CA6: variants seen among roughly 807,000 people sequenced by gnomAD.
The protein encoded by CA6 is carbonate dehydratase VI.
A neutral mutation model predicts 35.9 loss-of-function variants in CA6; 28 were observed. That is an observed-to-expected ratio of 0.78 (90% CI 0.58 to 1.07). The LOEUF is 1.07. CA6 is among the 50% of genes least tolerant of loss of function. The probability of loss-of-function intolerance (pLI) is 0.00; values close to 1 mark genes in which losing one functional copy is unlikely to be tolerated. For missense variants in CA6, 377 were observed against 382.0 expected (o/e 0.99, Z 0.11); for synonymous variants, 148 against 152.6 (o/e 0.97, Z 0.22).
In CA6 at chr1:8,946,040, TTC is replaced by T. The variant is rs1269470791; in HGVS notation, c.79+77_79+78del. On this transcript the variant is annotated intron_variant, in intron 1 of 7. Coordinates refer to ENST00000377443, the MANE Select transcript of CA6 (RefSeq NM_001215.4). ...AACAGGACAAGTGCCCTTCTTCTTC[TTC>T]TTTTTTTTTTTTTTAGACAAAGTCT... is the stretch of plus-strand genomic sequence containing the variant. The T allele has an allele frequency of 2.1e-4, 185 of 885,554 alleles. 1 individual carries two copies. The highest frequency in any genetic ancestry group is 1.2e-3 in the South Asian group (80 of 64,590). The allele number at this position is 885,554 out of a possible 1,614,324, so 54.9% of individuals were successfully genotyped here. A position where few individuals can be genotyped will look rare whatever the true frequency, so the allele number is the denominator to read the frequency against.
rs1168955739 is a variant in CA6 at position 8,973,698 on chromosome 1, TTTTCTTTCTCTCTC to T, written c.845-914_845-901del. ...GGCCCACCTTCCCTCAGGCCTGGAT[TTTTCTTTCTCTCTC>T]TTTCTTTCTTTCTTTCTTTCTTTCT... is the stretch of plus-strand genomic sequence containing the variant. On this transcript the variant is annotated intron_variant, in intron 7 of 7. Coordinates refer to ENST00000377443, the MANE Select transcript of CA6 (RefSeq NM_001215.4). Among the ~76,000 whole-genome samples the T allele has an allele frequency of 1.2e-3, 143 of 121,510 alleles. 6 individuals are homozygous for T. The highest frequency in any genetic ancestry group is 4.5e-3 in the African/African-American group (140 of 31,218). The allele number at this position is 121,510 out of a possible 152,430, so 79.7% of individuals were successfully genotyped here.
intron 2 of CA6, among the ~76,000 whole-genome samples, chr1:8,949,841 A>G (rs986077209): frequency 2.0e-5 from 3 of 152,112 alleles, no homozygotes; most frequent in African/African-American, 7.3e-5. Context: ...AGCACCTGAC[A>G]GGTAGGACCA....
At chr1:8,969,720 A>C (rs1250505146) in intron 6 of CA6, among the ~76,000 whole-genome samples, 2 of 152,172 alleles carry the variant, frequency 1.3e-5, no homozygotes, top group African/African-American at 4.8e-5. Context: ...AAGACAAAGA[A>C]ACTATTTAAA....
chr1:8,973,428 C>T (rs976781216), intron 7 of CA6, among the ~76,000 whole-genome samples: 1 of 152,206 alleles, frequency 6.6e-6, no homozygotes, highest in African/African-American at 2.4e-5. Context: ...TTTGCCACAT[C>T]TGAAATGCTT....
chr1:8,950,257 TAC>T (rs1319908215), intron 2 of CA6, among the ~76,000 whole-genome samples: 1 of 151,940 alleles, frequency 6.6e-6, no homozygotes, highest in African/African-American at 2.4e-5. Flanking sequence ...GTGCTGGGAT[TAC>T]AGGCACGAGC....
In CA6 at chr1:8,946,793, GTTTTTTTTTTTGT is replaced by G. The variant is rs1470730383; in HGVS notation, c.79+840_79+852del. ...TCTGTGGGCTGCCAAAATGAGAGGT[GTTTTTTTTTTTGT>G]TTTTTTTTTTTTTTTGAGACAGAGT... On this transcript the variant is annotated intron_variant, in intron 1 of 7. Coordinates refer to ENST00000377443, the MANE Select transcript of CA6 (RefSeq NM_001215.4). Among the ~76,000 whole-genome samples, 135 of 125,072 alleles carry G rather than the reference GTTTTTTTTTTTGT, an allele frequency of 1.1e-3. 1 individual carries two copies. Among genetic ancestry groups the G allele is most frequent in the African/African-American group, 3.8e-3 (124 of 32,480 alleles). The allele number at this position is 125,072 out of a possible 152,430, so 82.1% of individuals were successfully genotyped here.
chr1:8,950,533 T>C (rs17032909), intron 2 of CA6, among the ~76,000 whole-genome samples: 5,665 of 151,968 alleles, frequency 0.037, 154 homozygotes, highest in East Asian at 0.1. Context: ...CACTCCTGCT[T>C]GGGTTGAGAT....
intron 4 of CA6, among the ~76,000 whole-genome samples, chr1:8,959,976 A>G (rs1392618781): frequency 1.3e-5 from 2 of 148,840 alleles, no homozygotes; most frequent in Non-Finnish European, 3.0e-5. Flanking sequence ...TCATGCCTGT[A>G]ATCCCAGCAC....
At chr1:8,967,900 C>G (rs1640013290) in intron 6 of CA6, 84 bp downstream of exon 6, 1 of 1,258,676 alleles carries the variant, frequency 7.9e-7, no homozygotes, top group Non-Finnish European at 1.1e-6. Context: ...CAACGAACGT[C>G]AACAACTAAG....
intron 4 of CA6, among the ~76,000 whole-genome samples, chr1:8,960,082 G>A (rs1443208210): frequency 1.3e-5 from 2 of 151,108 alleles, no homozygotes; most frequent in Non-Finnish European, 2.9e-5. Context: ...AAATACAAAA[G>A]TAGCCAGGCG....
chr1:8,973,782 TTCTTTTCCCTCCCTCCCTCTCTC>T, intron 7 of CA6, among the ~76,000 whole-genome samples: 1 of 23,240 alleles, frequency 4.3e-5, no homozygotes, highest in African/African-American at 2.1e-4. Flanking sequence ...CTTTCTTTCT[TTCTTTTCCCTCCCTCCCTCTCTC>T]TCTCTCTCTC....
At chr1:8,950,495 C>T (rs1056284828) in intron 2 of CA6, among the ~76,000 whole-genome samples, 3 of 151,958 alleles carry the variant, frequency 2.0e-5, no homozygotes, top group Non-Finnish European at 4.4e-5. Flanking sequence ...GTTTCTTGGC[C>T]ACATCCTCCT....
Position 8,974,712 on chromosome 1 carries a change from TAAGAGG to T in CA6, c.*13_*18del, listed in dbSNP as rs759124833. Reference sequence around the variant, plus strand: ...AGAAGAGCATTGAACTGAGGAAAGCTAAGAGGAAGATTCAATATTAACTAGCTTGAA... The same window carrying T: ...AGAAGAGCATTGAACTGAGGAAAGCTAAGATTCAATATTAACTAGCTTGAA... On this transcript the variant is annotated 3_prime_UTR_variant, in exon 8 of 8. Transcript: ENST00000377443. 3.8e-6 allele frequency: 6 copies of T among 1,567,122 alleles called. No homozygotes were observed. The Admixed American group carries it at 1.1e-4, about 29-fold the overall frequency.
intron 2 of CA6, among the ~76,000 whole-genome samples, chr1:8,949,995 T>G (rs1639482201): frequency 6.6e-6 from 1 of 152,094 alleles, no homozygotes; most frequent in Non-Finnish European, 1.5e-5. Flanking sequence ...TGTTTATTTT[T>G]TTGAGACAGA....
chr1:8,951,720 C>T (rs1324570365), intron 2 of CA6: 1 of 758,028 alleles, frequency 1.3e-6, no homozygotes, highest in Non-Finnish European at 2.4e-6. Flanking sequence ...GCTCAAATTT[C>T]TGTGGTCCGG....
At chr1:8,965,538 T>C (rs1639947025) in intron 5 of CA6, among the ~76,000 whole-genome samples, 1 of 152,150 alleles carries the variant, frequency 6.6e-6, no homozygotes, top group African/African-American at 2.4e-5. Context: ...TCACTTAGCA[T>C]AATGTCTTTT....
At chr1:8,969,357 GT>G (rs1184077982) in intron 6 of CA6, among the ~76,000 whole-genome samples, 2 of 151,882 alleles carry the variant, frequency 1.3e-5, no homozygotes, top group Non-Finnish European at 2.9e-5. Flanking sequence ...TTTAACGCAT[GT>G]TAGATACAGT....
intron 7 of CA6, among the ~76,000 whole-genome samples, chr1:8,973,456 C>T (rs1640159855): frequency 6.6e-6 from 1 of 152,250 alleles, no homozygotes; most frequent in African/African-American, 2.4e-5. Context: ...TACAGCGTCA[C>T]TCTAGCATCT....
intron 5 of CA6, among the ~76,000 whole-genome samples, chr1:8,964,493 G>A (rs57521674): frequency 0.25 from 37,263 of 151,836 alleles, 4,921 homozygotes; most frequent in African/African-American, 0.32. Context: ...TGATCTACCC[G>A]CCTCGGCCTC....
Sources: allele counts gnomAD v4.1 joint callset (sites outside exome capture counted in the v4.1 genomes callset), GRCh38; gene constraint gnomAD v4.1.1; transcripts MANE v1.5; gene names NCBI Gene and HGNC (gene_info 2026-07-23, HGNC 2026-07-21).